The following AHNAK2 variants were observed in gnomAD, a reference collection of about 807,000 sequenced individuals.
AHNAK2 encodes AHNAK nucleoprotein 2.
A neutral mutation model predicts 30.7 loss-of-function variants in AHNAK2; 18 were observed. The ratio of observed to expected loss-of-function variants is 0.59; its 90% CI spans 0.41 to 0.87. The LOEUF is 0.87. Among genes scored for constraint, AHNAK2 ranks in the 40% least tolerant of loss-of-function variants. The pLI is 0.00. For missense variants in AHNAK2, 8,604 were observed against 7,373.0 expected, an observed-to-expected ratio of 1.17 and a Z score of -6.11; for synonymous variants, 3,590 against 3,073.8, an observed-to-expected ratio of 1.17 and a Z score of -5.56.
In AHNAK2 at chr14:104,942,382, C is replaced by G. The variant is rs764305655; in HGVS notation, c.13069G>C (p.Val4357Leu). Reference protein sequence around the residue: ...SIQPPSADLEVQAGQEDVKLP... With the variant: ...SIQPPSADLELQAGQEDVKLP... ...TTCACATCCTCTTGGCCAGCCTGGA[C>G]CTCCAGATCAGCGGAAGGGGGCTGA... Residue 4357 changes from valine (V) to leucine (L), a missense_variant, in exon 7 of 7, where the codon GTC (valine) becomes CTC (leucine). Physicochemically the swap from Val to Leu is conservative, Grantham distance 32. Coordinates refer to ENST00000333244, the MANE Select transcript of AHNAK2 (RefSeq NM_138420.4). 10 of 1,612,930 alleles carry G rather than the reference C, an allele frequency of 6.2e-6. No individual in the cohort carries two copies. Among genetic ancestry groups the G allele is most frequent in the Middle Eastern group, 1.6e-4 (1 of 6,076 alleles).
At position 104,940,936 on chromosome 14, in the gene AHNAK2, T is replaced by C. The variant is rs755912958; in HGVS notation, c.14515A>G (p.Thr4839Ala). ...TDLQPPEGVP[T>A]SQAESHSGPL... is the part of the protein sequence containing the mutation. Reference sequence around the variant, plus strand: ...CCAGAGTGACTCTCAGCTTGAGATGTTGGAACTCCCTCTGGAGGCTGCAGG... The same window carrying C: ...CCAGAGTGACTCTCAGCTTGAGATGCTGGAACTCCCTCTGGAGGCTGCAGG... Residue 4839 changes from threonine (T) to alanine (A), a missense_variant, in exon 7 of 7, where the codon ACA (threonine) becomes GCA (alanine). Physicochemically the swap from Thr to Ala is moderately conservative, Grantham distance 58. Coordinates refer to ENST00000333244, the MANE Select transcript of AHNAK2 (RefSeq NM_138420.4). The surrounding 1 kb of genome is among the most constrained non-coding windows in gnomAD (Gnocchi z 4.4). 15 of 1,612,654 alleles carry C rather than the reference T, an allele frequency of 9.3e-6. No individual in the cohort carries two copies. Among genetic ancestry groups the C allele is most frequent in the African/African-American group, 1.3e-5 (1 of 74,922 alleles).
chr14:104,953,071 T>G lies in AHNAK2; in HGVS notation c.2380A>C (p.Met794Leu), dbSNP rs753941648. ...TCCACCTCCATGCTGGACAGAGACATCTTCACATCGGGGGCTGTCACTTCC... is the reference window on the plus strand; with the variant it reads ...TCCACCTCCATGCTGGACAGAGACAGCTTCACATCGGGGGCTGTCACTTCC... The part of the protein sequence containing the change: ...KAEVTAPDVK[M>L]SLSSMEVDVQ... The change falls in exon 7 of 7, where the codon ATG (methionine) becomes CTG (leucine). Residue 794 changes from methionine to leucine, a missense_variant. Met to Leu is a conservative substitution (Grantham distance 15, BLOSUM62 2). Coordinates refer to ENST00000333244, the MANE Select transcript of AHNAK2 (RefSeq NM_138420.4). 1 of 1,612,158 alleles carries G rather than the reference T, an allele frequency of 6.2e-7. No homozygotes were observed. Among genetic ancestry groups the G allele is most frequent in the Non-Finnish European group, 8.5e-7 (1 of 1,179,376 alleles).
In AHNAK2 at chr14:104,944,530, G is replaced by C. The variant is rs1898155294; in HGVS notation, c.10921C>G (p.Pro3641Ala). The C allele has an allele frequency of 6.2e-7, 1 of 1,612,866 alleles. No individual in the cohort carries two copies. ...CTGAATGACGGCATCTTGAATTTGGGCATTTTGAACTTGCTGTCTTTGGCA... is the reference window on the plus strand; with the variant it reads ...CTGAATGACGGCATCTTGAATTTGGCCATTTTGAACTTGCTGTCTTTGGCA... ...VTAKDSKFKM[P>A]KFKMPSFRVS... is the part of the protein sequence containing the mutation. The change falls in exon 7 of 7, where the codon CCC (proline) becomes GCC (alanine). Residue 3641 changes from proline (P) to alanine (A), a missense_variant. By Grantham distance (27) the Pro-to-Ala change is conservative. Transcript: ENST00000333244.
rs1898450047 is a variant in AHNAK2, at chr14:104,948,603, C to A, written c.6848G>T (p.Ser2283Ile). 1 of 1,612,648 alleles carries A rather than the reference C, an allele frequency of 6.2e-7. No homozygotes were observed. The highest frequency in any genetic ancestry group is 8.5e-7 in the Non-Finnish European group (1 of 1,179,818). The change falls in exon 7 of 7, where the codon AGC becomes ATC. Residue 2283 changes from serine (S) to isoleucine (I), a missense_variant. Coordinates refer to ENST00000333244, the MANE Select transcript of AHNAK2 (RefSeq NM_138420.4). ...TAPDVEVSLP[S>I]VEVDVKAPGA... The stretch of plus-strand genomic sequence containing the variant: ...TGGGGCCTTGACGTCCACCTCCACG[C>A]TGGGCAGAGACACCTCCACATCAGG...
intron 1 of AHNAK2, among the ~76,000 whole-genome samples, chr14:104,961,004 G>A (rs990926284): frequency 6.6e-6 from 1 of 151,862 alleles, no homozygotes; most frequent in Non-Finnish European, 1.5e-5. Flanking sequence ...GGTGGTGCAC[G>A]TCTGTAATCC....
Position 104,944,729 on chromosome 14 carries a change from G to T in AHNAK2, c.10722C>A (p.Pro3574=). 6.2e-7 allele frequency: 1 copy of T among 1,612,300 alleles called. No individual in the cohort carries two copies. The highest frequency in any genetic ancestry group is 8.5e-7 in the Non-Finnish European group (1 of 1,179,440). ...GCTTGGGGCCCTTAACATCTATCTG[G>T]GGGCCCTTGAGGTCCACTTTGGGCG... ...LKTPKVDLKG[P]QIDVKGPKLD... The change falls in exon 7 of 7, where the codon CCC becomes CCA. Residue 3574 remains proline (P), a synonymous_variant. Coordinates refer to ENST00000333244, the MANE Select transcript of AHNAK2 (RefSeq NM_138420.4).
chr14:104,953,234 C>T lies in AHNAK2; in HGVS notation c.2217G>A (p.Val739=), dbSNP rs763058529. The T allele has an allele frequency of 3.7e-6, 6 of 1,613,172 alleles. No individual in the cohort carries two copies. In the Admixed American group the frequency reaches 1.0e-4, roughly 27 times the overall value. ...SADLEVQDGQ[V]DVKLPEGPLP... ...GGGGGCCCTCCGGAAGTTTCACATC[C>T]ACTTGGCCATCCTGGACCTCCAGGT... Residue 739 remains valine, a synonymous_variant, in exon 7 of 7, where the codon GTG becomes GTA. Coordinates refer to ENST00000333244, the MANE Select transcript of AHNAK2 (RefSeq NM_138420.4).
rs775123115 is a variant in AHNAK2 at position 104,945,061 on chromosome 14, T to C, written c.10390A>G (p.Lys3464Glu). ...TTGCTGTCTTTGGCAGTCACATCCT[T>C]TTCAGCCAGGGACAGGTCCCCCTCC... The part of the protein sequence containing the change: ...RLEGDLSLAE[K>E]DVTAKDSKFK... Residue 3464 changes from lysine to glutamate, a missense_variant, in exon 7 of 7, where the codon AAG becomes GAG. Transcript: ENST00000333244. 2.5e-6 allele frequency: 4 copies of C among 1,612,596 alleles called. No homozygotes were observed. In the African/African-American group the frequency reaches 5.4e-5, roughly 22 times the overall value.
At position 104,939,792 on chromosome 14, in the gene AHNAK2, G is replaced by A; in HGVS notation, c.15659C>T (p.Ala5220Val). Residue 5220 changes from alanine (A) to valine (V), a missense_variant, in exon 7 of 7, where the codon GCA becomes GTA. Ala to Val is a moderately conservative substitution (Grantham distance 64). Coordinates refer to ENST00000333244, the MANE Select transcript of AHNAK2 (RefSeq NM_138420.4). ...TGCTTCACCCCCTGTTGCTGCCGGT[G>A]CCTGTGTCTGAGCCACTTCCAGCTT... ...AGKLEVAQTQ[A>V]PAATGGEAAA... is the part of the protein sequence containing the mutation. 3 of 1,613,674 alleles carry A rather than the reference G, an allele frequency of 1.9e-6. No individual in the cohort carries two copies. Among genetic ancestry groups the A allele is most frequent in the African/African-American group, 1.3e-5 (1 of 75,056 alleles).
At position 104,942,728 on chromosome 14, in the gene AHNAK2, G is replaced by A. The variant is rs763045150; in HGVS notation, c.12723C>T (p.Pro4241=). The change falls in exon 7 of 7, where the codon CCC becomes CCT. Residue 4241 remains proline, a synonymous_variant. Transcript: ENST00000333244. ...CCTTGGGGCCTTTCAGGTCCAGCTT[G>A]GGGCCCTTGACATCCACCTGGGGGC... ...LKGPQVDVKG[P]KLDLKGPKAD... The A allele has an allele frequency of 6.2e-6, 10 of 1,613,176 alleles. No homozygotes were observed. The highest frequency in any genetic ancestry group is 2.7e-5 in the African/African-American group (2 of 74,778).
Position 104,952,656 on chromosome 14 carries a change from T to C in AHNAK2, c.2795A>G (p.Lys932Arg). ...GCCCTTAACATCTATCTGGGGGCCC[T>C]TGAGGTCCACTTTGGGCATCTTGAA... is the stretch of plus-strand genomic sequence containing the variant. ...PSFKMPKVDL[K>R]GPQIDVKGPK... is the part of the protein sequence containing the mutation. Residue 932 changes from lysine (K) to arginine (R), a missense_variant, in exon 7 of 7, where the codon AAG becomes AGG. Transcript: ENST00000333244. 1.2e-6 allele frequency: 2 copies of C among 1,612,500 alleles called. No individual in the cohort carries two copies. Among genetic ancestry groups the C allele is most frequent in the Non-Finnish European group, 1.7e-6 (2 of 1,179,576 alleles).
rs760149560 is a variant in AHNAK2, at chr14:104,941,965, C to T, written c.13486G>A (p.Asp4496Asn). Reference protein sequence around the residue: ...VDVSAPKMEADMSIPSMQGDL... With the variant: ...VDVSAPKMEANMSIPSMQGDL... ...CCCTGCATGGAGGGAATGCTCATGT[C>T]GGCCTCCATCTTTGGCGCAGACACA... is the stretch of plus-strand genomic sequence containing the variant. The change falls in exon 7 of 7, where the codon GAC becomes AAC. Residue 4496 changes from aspartate (D) to asparagine (N), a missense_variant. Asp to Asn is a conservative substitution (Grantham distance 23, BLOSUM62 1). Transcript: ENST00000333244. The T allele has an allele frequency of 3.5e-5, 56 of 1,613,338 alleles. 1 individual carries two copies. Among genetic ancestry groups the T allele is most frequent in the Non-Finnish European group, 4.5e-5 (53 of 1,179,676 alleles).
In AHNAK2 at chr14:104,946,062, G is replaced by A. The variant is rs568837822; in HGVS notation, c.9389C>T (p.Ser3130Phe). The part of the protein sequence containing the change: ...LDGARLEGDL[S>F]LADKDVTAKD... The stretch of plus-strand genomic sequence containing the variant: ...GGCAGTCACATCCTTGTCGGCCAGG[G>A]ACAGGTCCCCCTCCAGCCGTGCACC... Residue 3130 changes from serine (S) to phenylalanine (F), a missense_variant, in exon 7 of 7, where the codon TCC becomes TTC. Coordinates refer to ENST00000333244, the MANE Select transcript of AHNAK2 (RefSeq NM_138420.4). 3 of 1,608,314 alleles carry A rather than the reference G, an allele frequency of 1.9e-6. No homozygotes were observed. Among genetic ancestry groups the A allele is most frequent in the South Asian group, 1.1e-5 (1 of 90,676 alleles).
In AHNAK2 at chr14:104,948,256, C is replaced by T; in HGVS notation, c.7195G>A (p.Gly2399Arg). 1 of 1,612,322 alleles carries T rather than the reference C, an allele frequency of 6.2e-7. No individual in the cohort carries two copies. Among genetic ancestry groups the T allele is most frequent in the Non-Finnish European group, 8.5e-7 (1 of 1,179,470 alleles). Residue 2399 changes from glycine (G) to arginine (R), a missense_variant, in exon 7 of 7, where the codon GGG becomes AGG. Physicochemically the swap from Gly to Arg is moderately radical, Grantham distance 125. Coordinates refer to ENST00000333244, the MANE Select transcript of AHNAK2 (RefSeq NM_138420.4). ...GPVPEGAGLK[G>R]HLPKLQMPSF... ...GGCATCTGCAGCTTGGGCAGGTGCCCTTTGAGGCCGGCTCCCTCCGGCACG... is the reference window on the plus strand; with the variant it reads ...GGCATCTGCAGCTTGGGCAGGTGCCTTTTGAGGCCGGCTCCCTCCGGCACG...
At chr14:104,973,146 C>A (rs940356234) in intron 1 of AHNAK2, among the ~76,000 whole-genome samples, 3 of 152,222 alleles carry the variant, frequency 2.0e-5, no homozygotes, top group Non-Finnish European at 2.9e-5. Context: ...GCTGGAGGGA[C>A]GGCAAGCAGG....
Position 104,943,476 on chromosome 14 carries a change from T to A in AHNAK2, c.11975A>T (p.Asp3992Val). The A allele has an allele frequency of 6.2e-7, 1 of 1,612,738 alleles. No individual in the cohort carries two copies. Among genetic ancestry groups the A allele is most frequent in the Non-Finnish European group, 8.5e-7 (1 of 1,179,494 alleles). The change falls in exon 7 of 7, where the codon GAT becomes GTT. Residue 3992 changes from aspartate (D) to valine (V), a missense_variant. Coordinates refer to ENST00000333244, the MANE Select transcript of AHNAK2 (RefSeq NM_138420.4). ...GGCCTCCACCTTTGGCGCGGTCACA[T>A]CCACTGATGCCTCCATGGACTTGCC... ...APGKSMEASVDVTAPKVEADV... is the reference protein window; with the variant it reads ...APGKSMEASVVVTAPKVEADV...
chr14:104,937,824 TG>T lies in AHNAK2; in HGVS notation c.*238del. On this transcript the variant is annotated 3_prime_UTR_variant, in exon 7 of 7. Transcript: ENST00000333244. ...GTACCGTGTGAATTCTGGTGTCTTGTGGAAGTCAGGGTGCCTTCTTTGCATC... is the reference window on the plus strand; with the variant it reads ...GTACCGTGTGAATTCTGGTGTCTTGTGAAGTCAGGGTGCCTTCTTTGCATC... 1 of 489,798 alleles carries T rather than the reference TG, an allele frequency of 2.0e-6. No individual in the cohort carries two copies. Among genetic ancestry groups the T allele is most frequent in the Non-Finnish European group, 3.6e-6 (1 of 281,600 alleles). 30.3% of individuals were successfully genotyped at this position (489,798 alleles called of 1,614,324 possible).
At position 104,951,411 on chromosome 14, in the gene AHNAK2, A is replaced by T. The variant is rs747681527; in HGVS notation, c.4040T>A (p.Ile1347Asn). 6.1e-6 allele frequency: 7 copies of T among 1,147,388 alleles called. 2 individuals are homozygous for T. The East Asian group carries it at 1.6e-4, about 26-fold the overall frequency. 71.1% of individuals were successfully genotyped at this position (1,147,388 alleles called of 1,614,324 possible). A position where few individuals can be genotyped will look rare whatever the true frequency, so the allele number is the denominator to read the frequency against. Residue 1347 changes from isoleucine to asparagine, a missense_variant, in exon 7 of 7, where the codon ATT (isoleucine) becomes AAT (asparagine). Coordinates refer to ENST00000333244, the MANE Select transcript of AHNAK2 (RefSeq NM_138420.4). The part of the protein sequence containing the change: ...SFGVSAPGKS[I>N]EASVDLSAPK... ...TGCAGACAGGTCCACGGAGGCCTCA[A>T]TGGACTTGCCTGGGGCAGACACCCC... is the stretch of plus-strand genomic sequence containing the variant.
At position 104,939,561 on chromosome 14, in the gene AHNAK2, A is replaced by G. The variant is rs752268831; in HGVS notation, c.15890T>C (p.Val5297Ala). The G allele has an allele frequency of 7.6e-5, 123 of 1,613,840 alleles. No homozygotes were observed. In the South Asian group the frequency reaches 1.2e-3, roughly 15 times the overall value. ...AGGTCCTTTGGATGGATGGATCCTGACCTCAGAAGTGGAAAGCTCATCCCC... is the reference window on the plus strand; with the variant it reads ...AGGTCCTTTGGATGGATGGATCCTGGCCTCAGAAGTGGAAAGCTCATCCCC... ...MTGDELSTSE[V>A]RIHPSKGPLP... is the part of the protein sequence containing the mutation. The change falls in exon 7 of 7, where the codon GTC becomes GCC. Residue 5297 changes from valine to alanine, a missense_variant. Coordinates refer to ENST00000333244, the MANE Select transcript of AHNAK2 (RefSeq NM_138420.4).
Sources: allele counts gnomAD v4.1 joint callset (sites outside exome capture counted in the v4.1 genomes callset), GRCh38; gene constraint gnomAD v4.1.1; non-coding constraint Gnocchi (gnomAD v3.1); transcripts MANE v1.5; gene names NCBI Gene and HGNC (gene_info 2026-07-23, HGNC 2026-07-21).